MFAP3: variants seen among roughly 807,000 people sequenced by gnomAD.
The protein encoded by MFAP3 is microfibril associated protein 3.
A neutral mutation model predicts 20.5 loss-of-function variants in MFAP3; 8 were observed. The observed-to-expected ratio is 0.39, with a 90% CI of 0.23 to 0.70. The LOEUF (loss-of-function observed/expected upper bound fraction) is 0.70, where lower values mean the gene tolerates loss of function less well. MFAP3 is among the 30% of genes least tolerant of loss of function. The pLI is 0.44. For synonymous variants in MFAP3, 140 were observed against 154.0 expected (o/e 0.91, Z 0.67); for missense variants, 398 against 444.6 (o/e 0.90, Z 0.94).
chr5:154,050,060 G>T (rs777576977), intron 2 of MFAP3, 43 bp downstream of exon 2: 2 of 1,533,140 alleles, frequency 1.3e-6, no homozygotes, highest in African/African-American at 1.4e-5. Context: ...CTCATTTCCT[G>T]TTCTGTCTTC....
intron 1 of MFAP3, among the ~76,000 whole-genome samples, chr5:154,044,188 G>A (rs1773025000): frequency 3.3e-5 from 5 of 152,146 alleles, no homozygotes; most frequent in Admixed American, 3.3e-4. Context: ...ATGGATCCTT[G>A]ACCTAGCTGA....
At chr5:154,050,204 GA>G (rs1363451093) in intron 2 of MFAP3, among the ~76,000 whole-genome samples, 187 bp downstream of exon 2, 3 of 151,596 alleles carry the variant, frequency 2.0e-5, no homozygotes, top group Admixed American at 6.6e-5. Flanking sequence ...ACCAGAAGAA[GA>G]AAAAAAAGAA....
chr5:154,040,685 A>G (rs927293610), intron 1 of MFAP3, among the ~76,000 whole-genome samples: 3 of 152,222 alleles, frequency 2.0e-5, no homozygotes, highest in African/African-American at 7.2e-5. Context: ...ATGCCCAGGC[A>G]TCCCCTAGAG....
Position 154,049,817 on chromosome 5 carries a change from C to T in MFAP3, c.95C>T (p.Ser32Leu). The change falls in exon 2 of 3, where the codon TCA becomes TTA. Residue 32 changes from serine to leucine, a missense_variant. Transcript: ENST00000522782. The stretch of plus-strand genomic sequence containing the variant: ...GATGTGGACTTCGACCAAATGGTTT[C>T]ACTGGAAGCAAATCGTAGTTCTTAC... ...LEDVDFDQMV[S>L]LEANRSSYNA... is the part of the protein sequence containing the mutation. 1 of 1,613,690 alleles carries T rather than the reference C, an allele frequency of 6.2e-7. No individual in the cohort carries two copies. Among genetic ancestry groups the T allele is most frequent in the South Asian group, 1.1e-5 (1 of 91,066 alleles).
Position 154,057,306 on chromosome 5 carries a change from AT to A in MFAP3, c.*3594del, listed in dbSNP as rs567098920. Among the ~76,000 whole-genome samples, 131 of 152,254 alleles carry A rather than the reference AT, an allele frequency of 8.6e-4. 1 individual carries two copies. The highest frequency in any genetic ancestry group is 1.6e-3 in the Non-Finnish European group (112 of 68,046). On this transcript the variant is annotated 3_prime_UTR_variant, in exon 3 of 3. Coordinates refer to ENST00000522782, the MANE Select transcript of MFAP3 (RefSeq NM_005927.5). ...TCACTAACGCATTTCACAAAAGTAA[AT>A]AAGTATTTCATATAATTCAGAGGAT...
intron 2 of MFAP3, 77 bp from the exon 3 acceptor site, chr5:154,052,843 G>A: frequency 8.2e-7 from 1 of 1,220,218 alleles, no homozygotes; most frequent in Non-Finnish European, 1.2e-6. Flanking sequence ...ATAAAGAGGT[G>A]GAATATGGAT....
At position 154,053,718 on chromosome 5, in the gene MFAP3, C is replaced by T. The variant is rs372751873; in HGVS notation, c.*5C>T. ...TATGAAAACTGTCAGCTGTAACCTACAATGCTGTAACCCAGTACCTACAAA... is the reference window on the plus strand; with the variant it reads ...TATGAAAACTGTCAGCTGTAACCTATAATGCTGTAACCCAGTACCTACAAA... On this transcript the variant is annotated 3_prime_UTR_variant, in exon 3 of 3. Transcript: ENST00000522782. 7.3e-5 allele frequency: 117 copies of T among 1,602,704 alleles called. No individual in the cohort carries two copies. The highest frequency in any genetic ancestry group is 9.5e-5 in the Non-Finnish European group (112 of 1,173,264).
At chr5:154,048,793 C>A (rs1773117963) in intron 1 of MFAP3, among the ~76,000 whole-genome samples, 1 of 152,096 alleles carries the variant, frequency 6.6e-6, no homozygotes, top group Admixed American at 6.6e-5. Context: ...TCAGTTCCTC[C>A]CTTAGCTAGT....
At chr5:154,046,570 A>G (rs1773076783) in intron 1 of MFAP3, among the ~76,000 whole-genome samples, 1 of 152,156 alleles carries the variant, frequency 6.6e-6, no homozygotes, top group Non-Finnish European at 1.5e-5. Flanking sequence ...CATCCTTTAT[A>G]CAGCTATACT....
Position 154,049,710 on chromosome 5 carries a change from G to A in MFAP3, c.-13G>A, listed in dbSNP as rs1773138813. On this transcript the variant is annotated 5_prime_UTR_variant, in exon 2 of 3. Transcript: ENST00000522782. ...GTTCTCCAAATCTAAACAAGATTTT[G>A]TCCCATTTTCCCATGAAGCTACATT... 3 of 1,603,824 alleles carry A rather than the reference G, an allele frequency of 1.9e-6. No homozygotes were observed. The highest frequency in any genetic ancestry group is 3.4e-5 in the Admixed American group (2 of 58,998).
At chr5:154,051,110 A>G (rs1315552844) in intron 2 of MFAP3, among the ~76,000 whole-genome samples, 1 of 152,170 alleles carries the variant, frequency 6.6e-6, no homozygotes, top group Non-Finnish European at 1.5e-5. Context: ...TTGTTAGGGT[A>G]TTTTTAATCA....
rs1286191942 is a variant in MFAP3 at position 154,053,709 on chromosome 5, TG to T, written c.1086del (p.Ter363AsnfsTer32). 2 of 1,608,192 alleles carry T rather than the reference TG, an allele frequency of 1.2e-6. No homozygotes were observed. Among genetic ancestry groups the T allele is most frequent in the Non-Finnish European group, 1.7e-6 (2 of 1,176,408 alleles). ...YKDGAYENCQ[L>X] is the part of the protein sequence containing the mutation. ...GATGGGGCATATGAAAACTGTCAGC[TG>T]TAACCTACAATGCTGTAACCCAGTA... On this transcript the variant is annotated frameshift_variant, in exon 3 of 3. Transcript: ENST00000522782. LOFTEE classifies it high-confidence loss of function.
chr5:154,045,726 C>G (rs376870772), intron 1 of MFAP3, among the ~76,000 whole-genome samples: 2 of 152,240 alleles, frequency 1.3e-5, no homozygotes. Context: ...GAGATTAAGT[C>G]ATTTATAAAA....
rs1226327571 is a variant in MFAP3 at position 154,049,810 on chromosome 5, A to G, written c.88A>G (p.Met30Val). ...FVLEDVDFDQ[M>V]VSLEANRSSY... ...TTTGGAAGATGTGGACTTCGACCAAATGGTTTCACTGGAAGCAAATCGTAG... is the reference window on the plus strand; with the variant it reads ...TTTGGAAGATGTGGACTTCGACCAAGTGGTTTCACTGGAAGCAAATCGTAG... The change falls in exon 2 of 3, where the codon ATG becomes GTG. Residue 30 changes from methionine (M) to valine (V), a missense_variant. Met to Val is a conservative substitution (Grantham distance 21, BLOSUM62 1). Coordinates refer to ENST00000522782, the MANE Select transcript of MFAP3 (RefSeq NM_005927.5). 7 of 1,613,586 alleles carry G rather than the reference A, an allele frequency of 4.3e-6. No individual in the cohort carries two copies. The Admixed American group carries it at 8.3e-5, about 19-fold the overall frequency.
At chr5:154,039,936 C>A (rs1471968386) in intron 1 of MFAP3, among the ~76,000 whole-genome samples, 1 of 152,144 alleles carries the variant, frequency 6.6e-6, no homozygotes, top group Non-Finnish European at 1.5e-5. Flanking sequence ...GACAGTGGTT[C>A]TCTAAATTTA....
intron 1 of MFAP3, among the ~76,000 whole-genome samples, chr5:154,048,027 T>A (rs1426553579): frequency 6.6e-6 from 1 of 152,220 alleles, no homozygotes; most frequent in East Asian, 1.9e-4. Context: ...AGTCATTCAA[T>A]AAATGTTATT....
At position 154,053,758 on chromosome 5, in the gene MFAP3, A is replaced by C; in HGVS notation, c.*45A>C. 1.3e-6 allele frequency: 2 copies of C among 1,508,362 alleles called. No homozygotes were observed. The highest frequency in any genetic ancestry group is 1.8e-6 in the Non-Finnish European group (2 of 1,119,698). The allele number at this position is 1,508,362 out of a possible 1,614,324, so 93.4% of individuals were successfully genotyped here. ...GTACCTACAAAATCAGCTCGCTCTC[A>C]GAAAAGGAACCTGTTTCTTAGAAGA... On this transcript the variant is annotated 3_prime_UTR_variant, in exon 3 of 3. Transcript: ENST00000522782.
At chr5:154,047,332 G>A (rs192483216) in intron 1 of MFAP3, among the ~76,000 whole-genome samples, 10 of 152,270 alleles carry the variant, frequency 6.6e-5, no homozygotes, top group Non-Finnish European at 1.3e-4. Context: ...CGTGGAGGCC[G>A]AGACAATGTC....
At chr5:154,047,477 G>C (rs1422741894) in intron 1 of MFAP3, among the ~76,000 whole-genome samples, 1 of 152,096 alleles carries the variant, frequency 6.6e-6, no homozygotes, top group African/African-American at 2.4e-5. Flanking sequence ...GAAATGAGGT[G>C]GCATTAAAAT....
Sources: allele counts gnomAD v4.1 joint callset (sites outside exome capture counted in the v4.1 genomes callset), GRCh38; gene constraint gnomAD v4.1.1; transcripts MANE v1.5; gene names NCBI Gene and HGNC (gene_info 2026-07-23, HGNC 2026-07-21).